ANKMY2: variants seen among roughly 807,000 people sequenced by gnomAD.
ANKMY2 encodes ankyrin repeat and MYND domain-containing protein 2.
ANKMY2 carries 36 observed loss-of-function variants against 50.4 expected under a neutral mutation model. That is an observed-to-expected ratio of 0.71 (90% CI 0.55 to 0.94). The LOEUF (loss-of-function observed/expected upper bound fraction) is 0.94, where lower values mean the gene tolerates loss of function less well. Ranked by LOEUF, ANKMY2 falls within the 40% of genes least tolerant of loss-of-function variation. The pLI, the probability that ANKMY2 is intolerant of heterozygous loss-of-function variation, is 0.00. For missense variants in ANKMY2, 565 were observed against 524.0 expected (o/e 1.08, Z -0.76); for synonymous variants, 187 against 178.8 (o/e 1.05, Z -0.36).
intron 8 of ANKMY2, among the ~76,000 whole-genome samples, chr7:16,602,823 A>C (rs1781091714): frequency 6.6e-6 from 1 of 152,054 alleles, no homozygotes; most frequent in African/African-American, 2.4e-5. Flanking sequence ...CTGGTTGTTC[A>C]AAAGTATGTG....
intron 4 of ANKMY2, among the ~76,000 whole-genome samples, chr7:16,618,672 T>C (rs1277085189): frequency 6.6e-6 from 1 of 152,076 alleles, no homozygotes; most frequent in Non-Finnish European, 1.5e-5. Context: ...AAATGTGAAA[T>C]GAGCCAAGGT....
At chr7:16,608,115 T>C (rs192690938) in intron 7 of ANKMY2, among the ~76,000 whole-genome samples, 278 of 152,302 alleles carry the variant, frequency 1.8e-3, no homozygotes, top group African/African-American at 5.3e-3. Flanking sequence ...GATGAGAAAG[T>C]GTTTGGGTCC....
chr7:16,633,546 A>G (rs1051518178), intron 2 of ANKMY2, among the ~76,000 whole-genome samples: 1 of 152,126 alleles, frequency 6.6e-6, no homozygotes, highest in East Asian at 1.9e-4. Flanking sequence ...AGAATTATTT[A>G]GAGACAAAAA....
intron 6 of ANKMY2, among the ~76,000 whole-genome samples, chr7:16,610,068 C>G (rs1781223168): frequency 6.6e-6 from 1 of 152,124 alleles, no homozygotes; most frequent in African/African-American, 2.4e-5. Flanking sequence ...AATGAAAACT[C>G]TCATAGAGCC....
chr7:16,632,724 T>G (rs1174812624), intron 2 of ANKMY2, among the ~76,000 whole-genome samples: 2 of 152,238 alleles, frequency 1.3e-5, no homozygotes, highest in African/African-American at 4.8e-5. Flanking sequence ...CATTTGCATA[T>G]GCAAAATTTT....
chr7:16,635,388 A>G (rs1356754124), intron 2 of ANKMY2, among the ~76,000 whole-genome samples: 2 of 152,156 alleles, frequency 1.3e-5, no homozygotes, highest in Non-Finnish European at 2.9e-5. Context: ...AAGGGGTATG[A>G]GGAAATCTTT....
chr7:16,628,837 C>T (rs1781540538), intron 2 of ANKMY2, among the ~76,000 whole-genome samples: 1 of 152,040 alleles, frequency 6.6e-6, no homozygotes, highest in Non-Finnish European at 1.5e-5. Context: ...GCCCAGCAAT[C>T]CAACCTACAA....
At chr7:16,638,542 A>G (rs934505915) in intron 1 of ANKMY2, among the ~76,000 whole-genome samples, 2 of 152,254 alleles carry the variant, frequency 1.3e-5, no homozygotes, top group Non-Finnish European at 2.9e-5. Flanking sequence ...CCACGAGTTC[A>G]GCAATCTGGA....
chr7:16,623,758 G>A (rs984126082), intron 4 of ANKMY2, among the ~76,000 whole-genome samples: 3 of 152,084 alleles, frequency 2.0e-5, no homozygotes, highest in Non-Finnish European at 2.9e-5. Context: ...CTGTACACAC[G>A]GGAGTTAAAA....
At position 16,623,564 on chromosome 7, in the gene ANKMY2, T is replaced by C. The variant is rs540381664; in HGVS notation, c.370+1419A>G. Among the ~76,000 whole-genome samples the C allele has an allele frequency of 2.0e-5, 3 of 152,324 alleles. No individual in the cohort carries two copies. In the East Asian group the frequency reaches 5.8e-4, roughly 29 times the overall value. On this transcript the variant is annotated intron_variant, in intron 4 of 9. Transcript: ENST00000306999. The stretch of plus-strand genomic sequence containing the variant: ...TTCAGAGATCACCTAATTCCCCTGC[T>C]TCTTTGCATACAGATCAGAAAACTG...
At chr7:16,600,996 C>T (rs1055100507) in intron 9 of ANKMY2, 51 bp from the exon 10 acceptor site, 1 of 1,388,488 alleles carries the variant, frequency 7.2e-7, no homozygotes, top group Non-Finnish European at 9.8e-7. Flanking sequence ...GTCAGACACT[C>T]TTCTCAATGC....
At chr7:16,621,992 T>C (rs1781442523) in intron 4 of ANKMY2, among the ~76,000 whole-genome samples, 1 of 144,234 alleles carries the variant, frequency 6.9e-6, no homozygotes, top group Non-Finnish European at 1.5e-5. Flanking sequence ...AATAAATAAA[T>C]AAATAAATTT....
intron 4 of ANKMY2, among the ~76,000 whole-genome samples, chr7:16,616,404 T>C (rs1397305659): frequency 2.0e-5 from 3 of 151,952 alleles, no homozygotes; most frequent in Admixed American, 2.0e-4. Flanking sequence ...CTTGCCCTCT[T>C]TGTGAAATGT....
At position 16,600,865 on chromosome 7, in the gene ANKMY2, T is replaced by G; in HGVS notation, c.1222A>C (p.Asn408His). ...AEVGISQKDS[N>H]PEDSGEGKKE... is the part of the protein sequence containing the mutation. ...TTTCCTTCCCCGGAATCTTCAGGAT[T>G]GGAATCCTTTTGAGAGATACCTACT... Residue 408 changes from asparagine to histidine, a missense_variant, in exon 10 of 10, where the codon AAT (asparagine) becomes CAT (histidine). Coordinates refer to ENST00000306999, the MANE Select transcript of ANKMY2 (RefSeq NM_020319.3). 1 of 1,613,786 alleles carries G rather than the reference T, an allele frequency of 6.2e-7. No homozygotes were observed. Among genetic ancestry groups the G allele is most frequent in the Non-Finnish European group, 8.5e-7 (1 of 1,179,844 alleles).
chr7:16,628,069 C>T (rs1781529673), intron 2 of ANKMY2, among the ~76,000 whole-genome samples: 1 of 152,166 alleles, frequency 6.6e-6, no homozygotes, highest in African/African-American at 2.4e-5. Flanking sequence ...ACAAAACATC[C>T]AGCCTTTTAT....
At chr7:16,606,364 G>A (rs988485398) in intron 7 of ANKMY2, among the ~76,000 whole-genome samples, 2 of 152,138 alleles carry the variant, frequency 1.3e-5, no homozygotes, top group East Asian at 3.9e-4. Flanking sequence ...GGGAGGCAGA[G>A]GTTGCAGTAA....
At chr7:16,645,319 T>C (rs1381313631) in intron 1 of ANKMY2, among the ~76,000 whole-genome samples, 188 bp downstream of exon 1, 1 of 152,136 alleles carries the variant, frequency 6.6e-6, no homozygotes, top group Non-Finnish European at 1.5e-5. Context: ...CAGCACTGCT[T>C]CTGCCTCCCC....
rs1407341405 is a variant in ANKMY2, at chr7:16,625,006, G to A, written c.347C>T (p.Ala116Val). ...TDVVNSVGRT[A>V]AQMAAFVGQH... ...ACCCACAAAGGCTGCCATCTGAGCT[G>A]CTGTTCTTCCCACAGAGTTGACAAC... The change falls in exon 4 of 10, where the codon GCA becomes GTA. Residue 116 changes from alanine (A) to valine (V), a missense_variant. Transcript: ENST00000306999. The A allele has an allele frequency of 8.7e-6, 14 of 1,613,854 alleles. No individual in the cohort carries two copies. The East Asian group carries it at 3.1e-4, about 36-fold the overall frequency.
At chr7:16,631,835 G>A (rs553865101) in intron 2 of ANKMY2, among the ~76,000 whole-genome samples, 3 of 152,028 alleles carry the variant, frequency 2.0e-5, no homozygotes, top group South Asian at 4.2e-4. Context: ...GGCTGGTCTC[G>A]AACTCCTGAC....
Sources: allele counts gnomAD v4.1 joint callset (sites outside exome capture counted in the v4.1 genomes callset), GRCh38; gene constraint gnomAD v4.1.1; transcripts MANE v1.5; gene names NCBI Gene and HGNC (gene_info 2026-07-23, HGNC 2026-07-21).